The following JAG2 variants were observed in gnomAD, a reference collection of about 807,000 sequenced individuals.
JAG2 encodes the protein protein jagged-2.
JAG2 carries 46 observed loss-of-function variants against 141.7 expected under a neutral mutation model. The observed-to-expected ratio is 0.32, with a 90% CI of 0.26 to 0.42. JAG2 has a LOEUF of 0.42. Among genes scored for constraint, JAG2 ranks in the 10% least tolerant of loss-of-function variants. JAG2 has a pLI of 1.00. For synonymous variants in JAG2, 862 were observed against 763.5 expected (o/e 1.13, Z -2.13); for missense variants, 1,500 against 1,817.5 (o/e 0.83, Z 3.18).
Position 105,150,793 on chromosome 14 carries a change from A to G in JAG2, c.1429-16T>C. 1 of 1,581,986 alleles carries G rather than the reference A, an allele frequency of 6.3e-7. No homozygotes were observed. The highest frequency in any genetic ancestry group is 8.6e-7 in the Non-Finnish European group (1 of 1,164,570). ...TCACCAGGTCCTGGGCGGGCCAGCCAGGTGAGCGTCCCGCAGGCACCCTGA... is the reference window on the plus strand; with the variant it reads ...TCACCAGGTCCTGGGCGGGCCAGCCGGGTGAGCGTCCCGCAGGCACCCTGA... On this transcript the variant is annotated splice_polypyrimidine_tract_variant and intron_variant, in intron 11 of 25. Transcript: ENST00000331782.
At position 105,148,116 on chromosome 14, in the gene JAG2, C is replaced by A. The variant is rs1207872653; in HGVS notation, c.2248G>T (p.Ala750Ser). 6.5e-7 allele frequency: 1 copy of A among 1,546,154 alleles called. No individual in the cohort carries two copies. ...PGWKGSTCAV[A>S]KNSSCLPNPC... is the part of the protein sequence containing the mutation. The stretch of plus-strand genomic sequence containing the variant: ...CGCAGAGGCAGCGGGGGCTCCTCAC[C>A]GACGGCGCAGGTGCTGCCCTTCCAG... The change falls in exon 17 of 26, where the codon GCC (alanine) becomes TCC (serine). Residue 750 changes from alanine to serine, a missense_variant and splice_region_variant. This residue lies in a region of JAG2 where 875 missense variants were observed against 1,202.2 expected (regional missense o/e 0.73). Coordinates refer to ENST00000331782, the MANE Select transcript of JAG2 (RefSeq NM_002226.5).
intron 2 of JAG2, among the ~76,000 whole-genome samples, chr14:105,165,771 A>T (rs1409671511): frequency 6.6e-6 from 1 of 152,206 alleles, no homozygotes; most frequent in East Asian, 1.9e-4. Context: ...CAAGGAGCCC[A>T]AAAGCCCCAC....
chr14:105,149,016 A>G lies in JAG2; in HGVS notation c.1827T>C (p.His609=). The G allele has an allele frequency of 1.2e-6, 2 of 1,607,140 alleles. No homozygotes were observed. Among genetic ancestry groups the G allele is most frequent in the South Asian group, 1.1e-5 (1 of 90,048 alleles). ...CCCCTGGCTGGCTGACGCAGCGTCC[A>G]TGGGGGCCACACACGCCGGAGGCTG... The part of the protein sequence containing the change: ...GTAASGVCGP[H]GRCVSQPGGN... The change falls in exon 14 of 26, where the codon CAT becomes CAC. Residue 609 remains histidine, a synonymous_variant. Transcript: ENST00000331782.
At chr14:105,144,100 G>A (rs1566758742) in intron 24 of JAG2, among the ~76,000 whole-genome samples, 1 of 152,058 alleles carries the variant, frequency 6.6e-6, no homozygotes, top group South Asian at 2.1e-4. Context: ...GAGTTGGGGA[G>A]GTGTGTGGCC....
intron 24 of JAG2, 62 bp downstream of exon 24, chr14:105,144,868 C>T: frequency 6.4e-7 from 1 of 1,574,128 alleles, no homozygotes; most frequent in Non-Finnish European, 8.6e-7. Flanking sequence ...CCAGCATAGC[C>T]AGGACCTGCA....
intron 2 of JAG2, among the ~76,000 whole-genome samples, chr14:105,165,243 C>T (rs1412364381): frequency 6.6e-6 from 1 of 152,172 alleles, no homozygotes; most frequent in Non-Finnish European, 1.5e-5. Flanking sequence ...GGGCCTGCCA[C>T]CTACCAGGCC....
chr14:105,150,265 T>A (rs1270323629), intron 12 of JAG2, among the ~76,000 whole-genome samples: 1 of 151,778 alleles, frequency 6.6e-6, no homozygotes, highest in Non-Finnish European at 1.5e-5. Context: ...GCACCCACCC[T>A]ACCCCATGTG....
At position 105,160,680 on chromosome 14, in the gene JAG2, C is replaced by T. The variant is rs145508143; in HGVS notation, c.418-2917G>A. Among the ~76,000 whole-genome samples the T allele has an allele frequency of 5.3e-5, 8 of 152,026 alleles. No individual in the cohort carries two copies. The South Asian group carries it at 8.3e-4, about 16-fold the overall frequency. The stretch of plus-strand genomic sequence containing the variant: ...GAGTTCGAGACTAGTCTGGTCAACA[C>T]GGTTAATCCTCATCTCTACTAAAAA... On this transcript the variant is annotated intron_variant, in intron 2 of 25. Transcript: ENST00000331782.
At position 105,155,858 on chromosome 14, in the gene JAG2, A is replaced by G. The variant is rs1888566254; in HGVS notation, c.607T>C (p.Tyr203His). Residue 203 changes from tyrosine (Y) to histidine (H), a missense_variant, in exon 4 of 26, where the codon TAC (tyrosine) becomes CAC (histidine). Coordinates refer to ENST00000331782, the MANE Select transcript of JAG2 (RefSeq NM_002226.5). ...CAGAACTTGTTGCAAGTGGCGCTGT[A>G]GTAGTTCTCGTCGCAGCGCACGCGG... The part of the protein sequence containing the change: ...QIRVRCDENY[Y>H]SATCNKFCRP... The G allele has an allele frequency of 6.2e-7, 1 of 1,612,420 alleles. No homozygotes were observed. The highest frequency in any genetic ancestry group is 1.3e-5 in the African/African-American group (1 of 74,936).
Position 105,149,011 on chromosome 14 carries a change from C to T in JAG2, c.1832G>A (p.Arg611His), listed in dbSNP as rs1355920809. The change falls in exon 14 of 26, where the codon CGC (arginine) becomes CAC (histidine). Residue 611 changes from arginine to histidine, a missense_variant. Arg to His is a conservative substitution (Grantham distance 29, BLOSUM62 0). Around this residue, in one of 3 missense-constraint regions of JAG2, gnomAD observed 875 missense variants for 1,202.2 expected, o/e 0.73. Transcript: ENST00000331782. ...AASGVCGPHG[R>H]CVSQPGGNFS... ...GTTGCCCCCTGGCTGGCTGACGCAG[C>T]GTCCATGGGGGCCACACACGCCGGA... is the stretch of plus-strand genomic sequence containing the variant. 1.3e-5 allele frequency: 21 copies of T among 1,606,810 alleles called. No homozygotes were observed. The highest frequency in any genetic ancestry group is 2.2e-5 in the East Asian group (1 of 44,604).
At chr14:105,161,085 G>A (rs1038526565) in intron 2 of JAG2, among the ~76,000 whole-genome samples, 1 of 151,974 alleles carries the variant, frequency 6.6e-6, no homozygotes, top group Admixed American at 6.6e-5. Flanking sequence ...TTGCGGGTCT[G>A]AGTGAGGTCT....
chr14:105,155,479 CTCCTG>C lies in JAG2; in HGVS notation c.788+78_788+82del. ...CCAACCTCCAGCCAGCTCCGGGCGA[CTCCTG>C]ACAGCAAGGCTGTGTGTGCCAGTGA... On this transcript the variant is annotated intron_variant, in intron 5 of 25. Transcript: ENST00000331782. 3.3e-6 allele frequency: 5 copies of C among 1,521,984 alleles called. No individual in the cohort carries two copies. In the South Asian group the frequency reaches 5.6e-5, roughly 17 times the overall value. The allele number at this position is 1,521,984 out of a possible 1,614,324, so 94.3% of individuals were successfully genotyped here. A position where few individuals can be genotyped will look rare whatever the true frequency, so the allele number is the denominator to read the frequency against.
Position 105,142,987 on chromosome 14 carries a change from C to T in JAG2, c.3425G>A (p.Gly1142Glu), listed in dbSNP as rs756380706. Residue 1142 changes from glycine to glutamate, a missense_variant, in exon 26 of 26, where the codon GGG (glycine) becomes GAG (glutamate). Physicochemically the swap from Gly to Glu is moderately conservative, Grantham distance 98. Transcript: ENST00000331782. ...NPIRNPIERP[G>E]GHKDVLYQCK... ...CTGGTAGAGCACGTCCTTGTGGCCC[C>T]CCGGCCGCTCAATGGGGTTGCGGAT... 6.2e-7 allele frequency: 1 copy of T among 1,609,476 alleles called. No homozygotes were observed. Among genetic ancestry groups the T allele is most frequent in the Non-Finnish European group, 8.5e-7 (1 of 1,179,368 alleles).
intron 20 of JAG2, chr14:105,147,054 A>T: frequency 1.7e-6 from 1 of 601,732 alleles, no homozygotes; most frequent in Non-Finnish European, 3.0e-6. Flanking sequence ...GCCACAGAGG[A>T]GCCCACGTCA....
Position 105,141,736 on chromosome 14 carries a change from G to C in JAG2, c.*959C>G, listed in dbSNP as rs1286586243. On this transcript the variant is annotated 3_prime_UTR_variant, in exon 26 of 26. Coordinates refer to ENST00000331782, the MANE Select transcript of JAG2 (RefSeq NM_002226.5). ...AGCACCGAAAGAACAAGGGAGGCCG[G>C]AATGGTGGCATTATTCAATCAAATA... 1.3e-5 allele frequency: 2 copies of C among 152,420 alleles called. No individual in the cohort carries two copies. Among genetic ancestry groups the C allele is most frequent in the Non-Finnish European group, 1.5e-5 (1 of 68,074 alleles). The allele number at this position is 152,420 out of a possible 1,614,324, so 9.4% of individuals were successfully genotyped here.
chr14:105,149,279 G>A lies in JAG2; in HGVS notation c.1644C>T (p.Gly548=), dbSNP rs1375692084. 3.7e-6 allele frequency: 6 copies of A among 1,612,700 alleles called. No homozygotes were observed. The highest frequency in any genetic ancestry group is 1.7e-4 in the Middle Eastern group (1 of 6,058). The change falls in exon 13 of 26, where the codon GGC becomes GGT. Residue 548 remains glycine (G), a synonymous_variant. Coordinates refer to ENST00000331782, the MANE Select transcript of JAG2 (RefSeq NM_002226.5). ...CACCCTCCAGGTTATAGCAGCGAGC[G>A]CCGTTCCGGCAGGGGCTTGGCTCAC... ...DLCEPSPCRN[G]ARCYNLEGDY...
intron 9 of JAG2, 57 bp downstream of exon 9, chr14:105,151,226 G>GCCCCAGCAGC (rs1888418279): frequency 6.5e-7 from 1 of 1,531,166 alleles, no homozygotes; most frequent in East Asian, 2.4e-5. Context: ...AGCCCCAGCA[G>GCCCCAGCAGC]CCCCCGCAGC....
At chr14:105,149,829 A>AG (rs1203459469) in intron 12 of JAG2, among the ~76,000 whole-genome samples, 1 of 85,892 alleles carries the variant, frequency 1.2e-5, no homozygotes, top group African/African-American at 4.7e-5. Context: ...GCAGGGAAAA[A>AG]GGGGAAGTAA....
intron 24 of JAG2, among the ~76,000 whole-genome samples, chr14:105,144,083 A>G (rs1472446900): frequency 6.6e-6 from 1 of 151,994 alleles, no homozygotes; most frequent in African/African-American, 2.4e-5. Context: ...CCTCGCCACC[A>G]GGCAGTGAGT....
Sources: allele counts gnomAD v4.1 joint callset (sites outside exome capture counted in the v4.1 genomes callset), GRCh38; gene constraint gnomAD v4.1.1; regional missense constraint gnomAD v4.1.1; transcripts MANE v1.5; gene names NCBI Gene and HGNC (gene_info 2026-07-23, HGNC 2026-07-21).